ALDH1L2: variants seen among roughly 807,000 people sequenced by gnomAD.
ALDH1L2 encodes mitochondrial 10-formyltetrahydrofolate dehydrogenase.
ALDH1L2 carries 91 observed loss-of-function variants against 111.0 expected under a neutral mutation model. The observed-to-expected ratio is 0.82, with a 90% CI of 0.69 to 0.98. The LOEUF (loss-of-function observed/expected upper bound fraction) is 0.98. Ranked by LOEUF, ALDH1L2 falls within the 50% of genes least tolerant of loss-of-function variation. The probability of loss-of-function intolerance (pLI) is 0.00; values close to 1 mark genes in which losing one functional copy is unlikely to be tolerated. For missense variants in ALDH1L2, 995 were observed against 1,126.8 expected (o/e 0.88, Z 1.67); for synonymous variants, 374 against 392.6 (o/e 0.95, Z 0.56).
At chr12:105,074,082 C>T (rs1877890196) in intron 1 of ALDH1L2, 77 bp from the exon 2 acceptor site, 2 of 1,554,884 alleles carry the variant, frequency 1.3e-6, no homozygotes, top group Non-Finnish European at 1.8e-6. Flanking sequence ...AAAAAGATAG[C>T]TATTGGGTAC....
chr12:105,031,995 A>G, intron 19 of ALDH1L2, 61 bp from the exon 20 acceptor site: 2 of 1,561,776 alleles, frequency 1.3e-6, no homozygotes, highest in Non-Finnish European at 1.7e-6. Context: ...AGTTTCTACC[A>G]AGTGGTAGGT....
chr12:105,039,879 C>G, intron 16 of ALDH1L2, 73 bp from the exon 17 acceptor site: 1 of 1,363,564 alleles, frequency 7.3e-7, no homozygotes, highest in Non-Finnish European at 1.0e-6. Context: ...GCCTGTAATC[C>G]CCGCACTTTG....
Position 105,068,823 on chromosome 12 carries a change from C to G in ALDH1L2, c.490G>C (p.Asp164His). The G allele has an allele frequency of 1.2e-6, 2 of 1,607,160 alleles. No individual in the cohort carries two copies. Among genetic ancestry groups the G allele is most frequent in the Non-Finnish European group, 1.7e-6 (2 of 1,176,856 alleles). ...CTCTGAAGAAGGATGGGTCCTGTAT[C>G]CAAGCCATCATCAGCCCAGAAAACA... Reference protein sequence around the residue: ...FSVFWADDGLDTGPILLQRSC... With the variant: ...FSVFWADDGLHTGPILLQRSC... Residue 164 changes from aspartate (D) to histidine (H), a missense_variant, in exon 4 of 23, where the codon GAT (aspartate) becomes CAT (histidine). Asp to His is a moderately conservative substitution (Grantham distance 81). Coordinates refer to ENST00000258494, the MANE Select transcript of ALDH1L2 (RefSeq NM_001034173.4).
rs569445283 is a variant in ALDH1L2, at chr12:105,031,708, C to T, written c.2410+61G>A. The T allele has an allele frequency of 1.0e-4, 165 of 1,572,662 alleles. 1 individual carries two copies. In the African/African-American group the frequency reaches 1.3e-3, roughly 12 times the overall value. On this transcript the variant is annotated intron_variant, in intron 20 of 22. Coordinates refer to ENST00000258494, the MANE Select transcript of ALDH1L2 (RefSeq NM_001034173.4). ...GTTGGCCAGGCTGGTCTTAAACTGTCGCTGTCCATTCCAACTGAAGAAGGC... is the reference window on the plus strand; with the variant it reads ...GTTGGCCAGGCTGGTCTTAAACTGTTGCTGTCCATTCCAACTGAAGAAGGC...
At chr12:105,034,002 C>G (rs1258398809) in intron 19 of ALDH1L2, among the ~76,000 whole-genome samples, 1 of 152,094 alleles carries the variant, frequency 6.6e-6, no homozygotes, top group Non-Finnish European at 1.5e-5. Context: ...ACACATAATA[C>G]AGTGAAACCC....
intron 13 of ALDH1L2, among the ~76,000 whole-genome samples, 180 bp from the exon 14 acceptor site, chr12:105,047,149 A>G (rs1223286364): frequency 6.6e-6 from 1 of 152,230 alleles, no homozygotes; most frequent in African/African-American, 2.4e-5. Context: ...CAAGAGAACC[A>G]TGAAACACAG....
At chr12:105,083,885 G>A (rs866896492) in intron 1 of ALDH1L2, among the ~76,000 whole-genome samples, 11 of 152,176 alleles carry the variant, frequency 7.2e-5, no homozygotes, top group African/African-American at 2.4e-4. Context: ...GCAGCCATCA[G>A]CTTTGAGTGC....
chr12:105,065,289 G>A lies in ALDH1L2; in HGVS notation c.764C>T (p.Ala255Val). ...TACCTGTCCATTTATCTCTGTCCAA[G>A]CTCCAGGGACTTTATCATGACCTCG... Reference protein sequence around the residue: ...WIRGHDKVPGAWTEINGQMVT... With the variant: ...WIRGHDKVPGVWTEINGQMVT... Residue 255 changes from alanine to valine, a missense_variant, in exon 6 of 23, where the codon GCT becomes GTT. By Grantham distance (64) the Ala-to-Val change is moderately conservative. Coordinates refer to ENST00000258494, the MANE Select transcript of ALDH1L2 (RefSeq NM_001034173.4). The A allele has an allele frequency of 1.9e-6, 3 of 1,610,214 alleles. No individual in the cohort carries two copies. Among genetic ancestry groups the A allele is most frequent in the South Asian group, 2.2e-5 (2 of 91,036 alleles).
At chr12:105,065,972 T>G (rs1269949699) in intron 5 of ALDH1L2, among the ~76,000 whole-genome samples, 1 of 152,126 alleles carries the variant, frequency 6.6e-6, no homozygotes, top group Non-Finnish European at 1.5e-5. Flanking sequence ...AACTTATGGC[T>G]CCAGGTTTTT....
Position 105,030,384 on chromosome 12 carries a change from A to T in ALDH1L2, c.2456T>A (p.Met819Lys). 6.2e-7 allele frequency: 1 copy of T among 1,613,680 alleles called. No homozygotes were observed. Among genetic ancestry groups the T allele is most frequent in the Admixed American group, 1.7e-5 (1 of 59,986 alleles). ...AAAGGATTCCTCTTTGGCGAGGTAC[A>T]TGTAGTCTTCCACATCTGTGAACAC... Reference protein sequence around the residue: ...PTVFTDVEDYMYLAKEESFGP... With the variant: ...PTVFTDVEDYKYLAKEESFGP... Residue 819 changes from methionine (M) to lysine (K), a missense_variant, in exon 21 of 23, where the codon ATG becomes AAG. Physicochemically the swap from Met to Lys is moderately conservative, Grantham distance 95. Coordinates refer to ENST00000258494, the MANE Select transcript of ALDH1L2 (RefSeq NM_001034173.4).
At chr12:105,051,177 C>G (rs565264104) in intron 12 of ALDH1L2, among the ~76,000 whole-genome samples, 3 of 152,092 alleles carry the variant, frequency 2.0e-5, no homozygotes, top group Non-Finnish European at 4.4e-5. Flanking sequence ...CTCCACTTGC[C>G]GCTCTCTGTA....
intron 15 of ALDH1L2, among the ~76,000 whole-genome samples, chr12:105,041,708 A>G (rs964761099): frequency 1.3e-5 from 2 of 152,090 alleles, no homozygotes; most frequent in African/African-American, 4.8e-5. Context: ...AGTGTTTTCC[A>G]TTCTGTTCAA....
At chr12:105,056,285 TC>T (rs1486408956) in intron 10 of ALDH1L2, among the ~76,000 whole-genome samples, 3 of 151,874 alleles carry the variant, frequency 2.0e-5, no homozygotes, top group African/African-American at 7.3e-5. Flanking sequence ...AAAAATACCG[TC>T]CAAAAATTCT....
At chr12:105,058,310 T>A in intron 9 of ALDH1L2, 90 bp from the exon 10 acceptor site, 1 of 1,378,096 alleles carries the variant, frequency 7.3e-7, no homozygotes, top group Non-Finnish European at 9.7e-7. Context: ...TGTTTTGAGG[T>A]AAGACTTACA....
rs1482850168 is a variant in ALDH1L2, at chr12:105,052,328, TATG to T, written c.1408-114_1408-112del. On this transcript the variant is annotated intron_variant, in intron 11 of 22. Coordinates refer to ENST00000258494, the MANE Select transcript of ALDH1L2 (RefSeq NM_001034173.4). The stretch of plus-strand genomic sequence containing the variant: ...GAGTATTACTGATTTTAAAAAAAGT[TATG>T]ATAAGAAATGAGTATATCTAGTACT... 40 of 1,166,978 alleles carry T rather than the reference TATG, an allele frequency of 3.4e-5. No homozygotes were observed. In the South Asian group the frequency reaches 6.2e-4, roughly 18 times the overall value. 72.3% of individuals were successfully genotyped at this position (1,166,978 alleles called of 1,614,324 possible).
At chr12:105,028,502 A>G (rs953304116) in intron 21 of ALDH1L2, among the ~76,000 whole-genome samples, 2 of 152,242 alleles carry the variant, frequency 1.3e-5, no homozygotes, top group Admixed American at 6.5e-5. Flanking sequence ...TTATTGAGAC[A>G]GTACAGGTTT....
chr12:105,063,003 G>T lies in ALDH1L2; in HGVS notation c.806C>A (p.Ser269Ter). The T allele has an allele frequency of 6.2e-7, 1 of 1,613,396 alleles. No homozygotes were observed. Among genetic ancestry groups the T allele is most frequent in the Non-Finnish European group, 8.5e-7 (1 of 1,179,808 alleles). Residue 269 changes from serine to a stop codon, truncating the protein, a stop_gained, in exon 7 of 23, where the codon TCG becomes TAG. Transcript: ENST00000258494. LOFTEE classifies it high-confidence loss of function. ...INGQMVTFYG[S>*]TLLNSSVPPG... ...AGGCACAGAGCTATTCAGTAATGTC[G>T]AGCCATAGAAAGTGACCATCTAGTA...
chr12:105,069,941 C>G (rs1877580742), intron 3 of ALDH1L2, among the ~76,000 whole-genome samples: 1 of 152,118 alleles, frequency 6.6e-6, no homozygotes, highest in African/African-American at 2.4e-5. Flanking sequence ...TGAAGATGAT[C>G]ATTTCATCAT....
At chr12:105,056,914 A>C (rs369029509) in intron 10 of ALDH1L2, among the ~76,000 whole-genome samples, 1 of 151,724 alleles carries the variant, frequency 6.6e-6, no homozygotes, top group Non-Finnish European at 1.5e-5. Context: ...ACATAGATAA[A>C]TTAGACTTCA....
Sources: gnomAD v4.1 joint callset for allele counts (sites outside exome capture counted in the v4.1 genomes callset) on GRCh38, gnomAD v4.1.1 for gene constraint, MANE v1.5 for transcripts, NCBI Gene and HGNC (gene_info 2026-07-23, HGNC 2026-07-21) for gene names.